The following AFAP1 variants were observed in gnomAD, a reference collection of about 807,000 sequenced individuals.
AFAP1 encodes actin filament associated protein 1.
AFAP1 carries 75 observed loss-of-function variants against 93.9 expected under a neutral mutation model. The observed-to-expected ratio is 0.80, with a 90% CI of 0.66 to 0.97. The LOEUF is 0.97. Ranked by LOEUF, AFAP1 falls within the 50% of genes least tolerant of loss-of-function variation. The pLI, the probability that AFAP1 is intolerant of heterozygous loss-of-function variation, is 0.00. For synonymous variants in AFAP1, 517 were observed against 430.7 expected (o/e 1.20, Z -2.48); for missense variants, 1,201 against 1,050.8 (o/e 1.14, Z -1.98).
chr4:7,810,896 C>T (rs79080181), intron 8 of AFAP1, among the ~76,000 whole-genome samples: 2,321 of 152,336 alleles, frequency 0.015, 29 homozygotes, highest in Middle Eastern at 0.027. Context: ...TGCCCCATCC[C>T]GTCACTGGCA....
chr4:7,791,842 C>CAAAAA (rs111676909), intron 11 of AFAP1, among the ~76,000 whole-genome samples: 16 of 140,564 alleles, frequency 1.1e-4, no homozygotes, highest in Non-Finnish European at 1.5e-4. Flanking sequence ...AACCCTTAAT[C>CAAAAA]AAAAAAAAAC....
chr4:7,914,363 T>C (rs1291469005), intron 1 of AFAP1, among the ~76,000 whole-genome samples: 1 of 152,134 alleles, frequency 6.6e-6, no homozygotes, highest in Non-Finnish European at 1.5e-5. Context: ...CCTGAAACTA[T>C]ATATATTCTT....
intron 1 of AFAP1, among the ~76,000 whole-genome samples, chr4:7,897,716 GC>G (rs1411046206): frequency 1.3e-5 from 2 of 152,042 alleles, no homozygotes; most frequent in Non-Finnish European, 2.9e-5. Flanking sequence ...TAGAGATGGG[GC>G]TTCACCATGT....
chr4:7,802,395 A>G (rs542384188), intron 9 of AFAP1, among the ~76,000 whole-genome samples: 1 of 152,326 alleles, frequency 6.6e-6, no homozygotes, highest in East Asian at 1.9e-4. Context: ...AGGGAGGTGA[A>G]GAGGCCCTAG....
At chr4:7,789,079 T>C in intron 11 of AFAP1, 1 of 152,700 alleles carries the variant, frequency 6.5e-6, no homozygotes. Flanking sequence ...GGAGGAGGCC[T>C]CAGCCAGCAG....
At chr4:7,763,955 C>A (rs1034115453) in intron 17 of AFAP1, among the ~76,000 whole-genome samples, 164 bp from the exon 18 acceptor site, 2 of 151,044 alleles carry the variant, frequency 1.3e-5, no homozygotes, top group Admixed American at 1.3e-4. Flanking sequence ...GCTAGGTATT[C>A]ACCTATCAGA....
chr4:7,766,339 T>G (rs541917478), intron 17 of AFAP1, among the ~76,000 whole-genome samples: 1 of 152,190 alleles, frequency 6.6e-6, no homozygotes, highest in African/African-American at 2.4e-5. Flanking sequence ...TCCTCTGTTG[T>G]ACAGGTCCCC....
chr4:7,781,057 A>C (rs1716714558), intron 13 of AFAP1, among the ~76,000 whole-genome samples: 1 of 136,746 alleles, frequency 7.3e-6, no homozygotes, highest in South Asian at 2.8e-4. Context: ...AATCTTCTGG[A>C]AAGTTTTATT....
At chr4:7,795,828 T>C (rs1490830370) in intron 10 of AFAP1, among the ~76,000 whole-genome samples, 1 of 152,206 alleles carries the variant, frequency 6.6e-6, no homozygotes, top group African/African-American at 2.4e-5. Flanking sequence ...ATGTAATTGA[T>C]ATTATTACTT....
chr4:7,821,865 CAG>C (rs1213505606), intron 6 of AFAP1, among the ~76,000 whole-genome samples: 1 of 152,078 alleles, frequency 6.6e-6, no homozygotes, highest in East Asian at 1.9e-4. Context: ...GAAAAAACAA[CAG>C]AGTGATGTCC....
At chr4:7,769,905 T>C (rs956824125) in intron 16 of AFAP1, among the ~76,000 whole-genome samples, 8 of 152,236 alleles carry the variant, frequency 5.3e-5, no homozygotes, top group East Asian at 3.9e-4. Context: ...GGGAGGGAGC[T>C]TAGGGTAGTA....
chr4:7,812,974 A>G (rs1009246997), intron 8 of AFAP1, among the ~76,000 whole-genome samples: 2 of 151,904 alleles, frequency 1.3e-5, no homozygotes, highest in Non-Finnish European at 2.9e-5. Context: ...CTCAGCCCAC[A>G]CTCCTCACAC....
At chr4:7,885,663 T>G (rs529168415) in intron 1 of AFAP1, among the ~76,000 whole-genome samples, 10 of 152,338 alleles carry the variant, frequency 6.6e-5, no homozygotes, top group African/African-American at 1.9e-4. Context: ...ACTTTTATGT[T>G]TCCAGTTCTC....
At position 7,881,904 on chromosome 4, in the gene AFAP1, TC is replaced by T. The variant is rs1417901286; in HGVS notation, c.-2-9825del. Among the ~76,000 whole-genome samples, 4 of 152,168 alleles carry T rather than the reference TC, an allele frequency of 2.6e-5. No individual in the cohort carries two copies. The East Asian group carries it at 7.7e-4, about 29-fold the overall frequency. ...TAAGTAGCCCCCCCAAATTATCTCA[TC>T]CTTAAAGCGAGATGGATATTATATA... On this transcript the variant is annotated intron_variant, in intron 1 of 17. Transcript: ENST00000420658.
intron 1 of AFAP1, among the ~76,000 whole-genome samples, chr4:7,906,173 A>G (rs1351507100): frequency 2.0e-5 from 3 of 152,172 alleles, no homozygotes; most frequent in African/African-American, 7.2e-5. Flanking sequence ...AGAAAGAAAC[A>G]GGGTTACTAG....
intron 11 of AFAP1, among the ~76,000 whole-genome samples, chr4:7,791,850 AACAAAAAC>A (rs1359105717): frequency 1.4e-5 from 2 of 143,140 alleles, no homozygotes; most frequent in African/African-American, 2.8e-5. Context: ...ATCAAAAAAA[AACAAAAAC>A]AAAAAACAAC....
intron 2 of AFAP1, 56 bp downstream of exon 2, chr4:7,871,896 G>A (rs958177026): frequency 7.6e-6 from 12 of 1,571,144 alleles, no homozygotes; most frequent in East Asian, 4.5e-5. Flanking sequence ...AATTAAAGAC[G>A]ATTTAGAAGC....
chr4:7,830,200 G>A (rs543838761), intron 6 of AFAP1, among the ~76,000 whole-genome samples: 1 of 152,308 alleles, frequency 6.6e-6, no homozygotes, highest in South Asian at 2.1e-4. Flanking sequence ...GCTTGCCTAT[G>A]TACAAGGAAA....
intron 11 of AFAP1, among the ~76,000 whole-genome samples, chr4:7,788,400 G>A (rs1465909504): frequency 6.6e-6 from 1 of 152,252 alleles, no homozygotes; most frequent in Non-Finnish European, 1.5e-5. Flanking sequence ...CAGCAGTGCG[G>A]GCCGCGGAAA....
Sources: allele counts gnomAD v4.1 joint callset (sites outside exome capture counted in the v4.1 genomes callset), GRCh38; gene constraint gnomAD v4.1.1; transcripts MANE v1.5; gene names NCBI Gene and HGNC (gene_info 2026-07-23, HGNC 2026-07-21).